The following ABITRAM variants were observed in gnomAD, a reference collection of about 807,000 sequenced individuals.
ABITRAM encodes the protein protein Abitram.
Under a neutral mutation model 22.9 loss-of-function variants are expected in ABITRAM, and 19 were observed. The observed-to-expected ratio is 0.83, with a 90% confidence interval of 0.58 to 1.22. The LOEUF is 1.22. ABITRAM is among the 50% of genes most tolerant of loss of function. The probability of loss-of-function intolerance (pLI) is 0.00; values close to 1 mark genes in which losing one functional copy is unlikely to be tolerated. For missense variants in ABITRAM, 215 were observed against 220.2 expected (o/e 0.98, Z 0.15); for synonymous variants, 70 against 73.9 (o/e 0.95, Z 0.27).
At chr9:108,938,360 C>G (rs1359253123) in intron 3 of ABITRAM, among the ~76,000 whole-genome samples, 1 of 152,124 alleles carries the variant, frequency 6.6e-6, no homozygotes, top group East Asian at 1.9e-4. Context: ...GCATCTTAAC[C>G]TGAAATGCCT....
At chr9:108,944,445 C>T (rs1006199784), downstream of ABITRAM, among the ~76,000 whole-genome samples, 3 of 152,212 alleles carry the variant, frequency 2.0e-5, no homozygotes, top group Admixed American at 6.5e-5. Flanking sequence ...AAATTTGTCA[C>T]CCATACATAT....
chr9:108,942,855 T>G (rs745705045), downstream of ABITRAM: 31 of 1,613,106 alleles, frequency 1.9e-5, no homozygotes, highest in Non-Finnish European at 2.5e-5. Flanking sequence ...TTAAGACAAT[T>G]AGTATCTGGT....
chr9:108,947,440 A>T (rs1830439847), intron 3 of ABITRAM, among the ~76,000 whole-genome samples: 1 of 152,174 alleles, frequency 6.6e-6, no homozygotes, highest in Non-Finnish European at 1.5e-5. Flanking sequence ...CAAATCTCAG[A>T]TGTACATGGG....
downstream of ABITRAM, among the ~76,000 whole-genome samples, chr9:108,943,318 A>G (rs1330913695): frequency 2.0e-5 from 3 of 152,158 alleles, no homozygotes; most frequent in Non-Finnish European, 4.4e-5. Flanking sequence ...GCTTCTCAAA[A>G]CACTCCAAAT....
chr9:108,948,918 A>G (rs1265079105), intron 3 of ABITRAM, among the ~76,000 whole-genome samples: 2 of 152,240 alleles, frequency 1.3e-5, no homozygotes, highest in African/African-American at 4.8e-5. Context: ...AGATGTGAAC[A>G]TATCATTCCT....
intron 1 of ABITRAM, 57 bp downstream of exon 1, chr9:108,934,622 A>T: frequency 5.4e-6 from 8 of 1,488,740 alleles, no homozygotes; most frequent in Non-Finnish European, 7.3e-6. Context: ...TGCTGTGTAG[A>T]CTATGTTGAC....
chr9:108,948,339 T>G (rs1830464809), intron 3 of ABITRAM: 3 of 1,049,252 alleles, frequency 2.9e-6, no homozygotes, highest in Non-Finnish European at 2.7e-6. Context: ...AAATCCTAAA[T>G]TTTGAAGAAT....
downstream of ABITRAM, among the ~76,000 whole-genome samples, chr9:108,944,457 C>T (rs1215382427): frequency 2.0e-5 from 3 of 152,202 alleles, no homozygotes; most frequent in Non-Finnish European, 4.4e-5. Flanking sequence ...CATACATATT[C>T]CATAACCAGA....
downstream of ABITRAM, among the ~76,000 whole-genome samples, chr9:108,945,645 TTTG>T (rs1236258930): frequency 5.1e-3 from 763 of 150,486 alleles, 10 homozygotes; most frequent in African/African-American, 0.018. Flanking sequence ...TTTTTTTTGT[TTTG>T]TTTTTTTGTA....
At chr9:108,937,031 G>A (rs1165001686) in intron 3 of ABITRAM, among the ~76,000 whole-genome samples, 1 of 152,090 alleles carries the variant, frequency 6.6e-6, no homozygotes, top group Non-Finnish European at 1.5e-5. Flanking sequence ...ACAGTAGTGG[G>A]CACCTGTAAT....
chr9:108,940,466 C>T lies in ABITRAM; in HGVS notation c.*780C>T, dbSNP rs2132068780. On this transcript the variant is annotated 3_prime_UTR_variant, in exon 6 of 6. Transcript: ENST00000322940. ...TCCTAGCCCATCTGCCTCAACTCCT[C>T]TCCCTTTTAGGTTGTAGGGAAGAGG... 1 of 152,324 alleles carries T rather than the reference C, an allele frequency of 6.6e-6. No individual in the cohort carries two copies. Among genetic ancestry groups the T allele is most frequent in the African/African-American group, 2.4e-5 (1 of 41,566 alleles). The allele number at this position is 152,324 out of a possible 1,614,324, so 9.4% of individuals were successfully genotyped here. A position where few individuals can be genotyped will look rare whatever the true frequency, so the allele number is the denominator to read the frequency against.
At chr9:108,937,030 G>A (rs1393169225) in intron 3 of ABITRAM, among the ~76,000 whole-genome samples, 2 of 152,018 alleles carry the variant, frequency 1.3e-5, no homozygotes, top group Non-Finnish European at 2.9e-5. Flanking sequence ...CACAGTAGTG[G>A]GCACCTGTAA....
At chr9:108,941,113 G>A (rs758911239), downstream of ABITRAM, 29 of 152,022 alleles carry the variant, frequency 1.9e-4, no homozygotes, top group Non-Finnish European at 3.7e-4. Context: ...ACAAGTGGGG[G>A]TTGGAATTTT....
At chr9:108,950,318 A>G (rs765545628) in intron 3 of ABITRAM, among the ~76,000 whole-genome samples, 4 of 152,194 alleles carry the variant, frequency 2.6e-5, no homozygotes, top group African/African-American at 4.8e-5. Context: ...GTATGAACTT[A>G]AAAAGGTCAA....
chr9:108,947,307 G>T (rs368433400), intron 3 of ABITRAM, among the ~76,000 whole-genome samples: 1 of 152,052 alleles, frequency 6.6e-6, no homozygotes, highest in East Asian at 1.9e-4. Context: ...TGGAGACAGG[G>T]TTCCACCGTG....
In ABITRAM at chr9:108,940,772, G is replaced by A. The variant is rs1830245623; in HGVS notation, c.*1086G>A. On this transcript the variant is annotated 3_prime_UTR_variant, in exon 6 of 6. Transcript: ENST00000322940. ...TCAAAGGCATAGGGGCCTTTGAATG[G>A]AACAAATGCTTTCACATCATTTAAA... 6.6e-6 allele frequency: 1 copy of A among 151,850 alleles called. No homozygotes were observed. Among genetic ancestry groups the A allele is most frequent in the South Asian group, 2.1e-4 (1 of 4,826 alleles). 9.4% of individuals were successfully genotyped at this position (151,850 alleles called of 1,614,324 possible). A position where few individuals can be genotyped will look rare whatever the true frequency, so the allele number is the denominator to read the frequency against.
chr9:108,943,721 C>T (rs746320248), downstream of ABITRAM: 2 of 1,611,582 alleles, frequency 1.2e-6, no homozygotes, highest in Non-Finnish European at 1.7e-6. Flanking sequence ...ATACTTTATT[C>T]TGCAAAGAAG....
At chr9:108,937,380 A>G (rs1408758167) in intron 3 of ABITRAM, among the ~76,000 whole-genome samples, 2 of 152,192 alleles carry the variant, frequency 1.3e-5, no homozygotes, top group Non-Finnish European at 2.9e-5. Flanking sequence ...ATTTAGTGAC[A>G]TGTTAAAATG....
At chr9:108,943,845 G>C, downstream of ABITRAM, 1 of 1,607,496 alleles carries the variant, frequency 6.2e-7, no homozygotes, top group Non-Finnish European at 8.5e-7. Flanking sequence ...AGTTATAACA[G>C]CCCGCAACAA....
Sources: gnomAD v4.1 joint callset for allele counts (sites outside exome capture counted in the v4.1 genomes callset) on GRCh38, gnomAD v4.1.1 for gene constraint, MANE v1.5 for transcripts, NCBI Gene and HGNC (gene_info 2026-07-23, HGNC 2026-07-21) for gene names.